Variants in CEP164 observed in about 807,000 individuals in gnomAD.
CEP164 encodes the protein centrosomal protein 164.
Under a neutral mutation model 182.7 loss-of-function variants are expected in CEP164, and 162 were observed. That is an observed-to-expected ratio of 0.89 (90% CI 0.78 to 1.01). The LOEUF is 1.01. Ranked by LOEUF, CEP164 falls within the 50% of genes least tolerant of loss-of-function variation. CEP164 has a pLI of 0.00. For missense variants in CEP164, 1,735 were observed against 1,790.4 expected, an observed-to-expected ratio of 0.97 and a Z score of 0.56; for synonymous variants, 661 against 690.0, an observed-to-expected ratio of 0.96 and a Z score of 0.66.
intron 8 of CEP164, among the ~76,000 whole-genome samples, chr11:117,363,787 T>TTTTTAA (rs2041296388): frequency 2.1e-5 from 3 of 146,072 alleles, no homozygotes; most frequent in African/African-American, 5.1e-5. Context: ...TTTTTTTTTT[T>TTTTTAA]AAGAGACAGA....
chr11:117,336,470 G>T (rs1484540454), intron 2 of CEP164: 4 of 1,485,456 alleles, frequency 2.7e-6, no homozygotes, highest in African/African-American at 1.4e-5. Context: ...CCACCTGGGA[G>T]GAAAGCTGGA....
At chr11:117,359,031 A>G (rs527804981) in intron 5 of CEP164, among the ~76,000 whole-genome samples, 205 of 150,992 alleles carry the variant, frequency 1.4e-3, no homozygotes, top group African/African-American at 4.5e-3. Context: ...TGCAACCTCT[A>G]TCTCCCAGGT....
chr11:117,355,959 A>G, intron 5 of CEP164: 1 of 1,104,968 alleles, frequency 9.1e-7, no homozygotes, highest in South Asian at 2.3e-5. Flanking sequence ...GAGCTCCCTT[A>G]TAAAGATCAG....
chr11:117,345,784 G>T lies in CEP164; in HGVS notation c.194+1507G>T, dbSNP rs553181332. ...TCACTGCAACCTCCACCTCCCGGAG[G>T]TGGAGCGATTCTCCTGCCTCAGCCT... On this transcript the variant is annotated intron_variant, in intron 4 of 32. Coordinates refer to ENST00000278935, the MANE Select transcript of CEP164 (RefSeq NM_014956.5). Among the ~76,000 whole-genome samples the T allele has an allele frequency of 2.0e-5, 3 of 151,956 alleles. No individual in the cohort carries two copies. In the East Asian group the frequency reaches 5.9e-4, roughly 30 times the overall value.
chr11:117,370,850 G>A (rs941047852), intron 8 of CEP164, among the ~76,000 whole-genome samples: 1 of 152,136 alleles, frequency 6.6e-6, no homozygotes, highest in Non-Finnish European at 1.5e-5. Flanking sequence ...GGCAGAGGTT[G>A]CAGTGAGCTG....
At chr11:117,383,074 A>C in intron 14 of CEP164, 132 bp downstream of exon 14, 1 of 1,035,822 alleles carries the variant, frequency 9.7e-7, no homozygotes, top group South Asian at 1.8e-5. Context: ...GAGATTAAGC[A>C]TATCCTTGGT....
At chr11:117,334,589 C>T (rs531685012) in intron 1 of CEP164, among the ~76,000 whole-genome samples, 192 of 152,118 alleles carry the variant, frequency 1.3e-3, no homozygotes, top group Admixed American at 9.1e-3. Flanking sequence ...AGTTTGAGAC[C>T]AGCCTGGCCA....
chr11:117,392,778 C>T, intron 19 of CEP164, 151 bp downstream of exon 19: 1 of 1,263,046 alleles, frequency 7.9e-7, no homozygotes, highest in South Asian at 1.4e-5. Flanking sequence ...GCCTTAGTTC[C>T]CTTGAAGCCA....
chr11:117,374,845 G>A (rs149218306), intron 10 of CEP164, among the ~76,000 whole-genome samples: 548 of 152,290 alleles, frequency 3.6e-3, no homozygotes, highest in African/African-American at 0.013. Flanking sequence ...TTGTCTGGGC[G>A]TCCCACCATT....
chr11:117,410,326 C>T, intron 30 of CEP164: 4 of 382,634 alleles, frequency 1.0e-5, no homozygotes, highest in Non-Finnish European at 1.9e-5. Flanking sequence ...ATGGGCCAAG[C>T]AGTTTATATA....
intron 27 of CEP164, 107 bp downstream of exon 27, chr11:117,397,420 T>A: frequency 9.5e-7 from 1 of 1,057,506 alleles, no homozygotes; most frequent in Non-Finnish European, 1.4e-6. Context: ...CGGGACTCCA[T>A]GAGAGTGGCC....
At chr11:117,398,664 T>G (rs1469582493) in intron 27 of CEP164, among the ~76,000 whole-genome samples, 1 of 152,234 alleles carries the variant, frequency 6.6e-6, no homozygotes, top group Non-Finnish European at 1.5e-5. Flanking sequence ...ACATGGAAGT[T>G]GCCAAGGTAT....
At chr11:117,368,164 C>G (rs2041848725) in intron 8 of CEP164, among the ~76,000 whole-genome samples, 3 of 152,174 alleles carry the variant, frequency 2.0e-5, no homozygotes, top group African/African-American at 7.2e-5. Context: ...AATACAATAG[C>G]TATTAAAGTA....
intron 4 of CEP164, among the ~76,000 whole-genome samples, chr11:117,349,683 A>G (rs1041112984): frequency 6.6e-6 from 1 of 152,064 alleles, no homozygotes; most frequent in African/African-American, 2.4e-5. Flanking sequence ...TGTGAAATCT[A>G]TTTTATATTT....
chr11:117,335,235 C>T (rs1019514651), intron 1 of CEP164, among the ~76,000 whole-genome samples: 7 of 152,162 alleles, frequency 4.6e-5, no homozygotes, highest in Admixed American at 6.5e-5. Flanking sequence ...CAGGATGTTA[C>T]GGGTTCTTCT....
Position 117,409,258 on chromosome 11 carries a change from G to A in CEP164, c.3748+230G>A, listed in dbSNP as rs2047049989. Reference sequence around the variant, plus strand: ...TCTGAATGCTGCAGAGCACTCTACGGTGTGACCACTGGCCTTGCTGGCCTC... The same window carrying A: ...TCTGAATGCTGCAGAGCACTCTACGATGTGACCACTGGCCTTGCTGGCCTC... On this transcript the variant is annotated intron_variant, in intron 29 of 32. Transcript: ENST00000278935. The surrounding 1 kb of genome is among the most constrained non-coding windows in gnomAD (Gnocchi z 4.4). 1.6e-6 allele frequency: 1 copy of A among 615,348 alleles called. No individual in the cohort carries two copies. The highest frequency in any genetic ancestry group is 3.0e-5 in the Admixed American group (1 of 33,632). 38.1% of individuals were successfully genotyped at this position (615,348 alleles called of 1,614,324 possible). A position where few individuals can be genotyped will look rare whatever the true frequency, so the allele number is the denominator to read the frequency against.
upstream of CEP164, among the ~76,000 whole-genome samples, chr11:117,325,506 CT>C (rs1433945069): frequency 6.6e-6 from 1 of 152,208 alleles, no homozygotes; most frequent in Non-Finnish European, 1.5e-5. Context: ...CTGCCTCGGC[CT>C]CCCGAGTAGC....
At position 117,395,195 on chromosome 11, in the gene CEP164, T is replaced by G. The variant is rs1293662284; in HGVS notation, c.2913+4T>G. On this transcript the variant is annotated splice_donor_region_variant and intron_variant, in intron 23 of 32. Coordinates refer to ENST00000278935, the MANE Select transcript of CEP164 (RefSeq NM_014956.5). ...GCAGGTTGCTCTGAAGAGTGAGGTT[T>G]GTCTCCCTGTTTTGTCCTCCCTCCT... 2 of 1,613,366 alleles carry G rather than the reference T, an allele frequency of 1.2e-6. No homozygotes were observed. Among genetic ancestry groups the G allele is most frequent in the East Asian group, 4.5e-5 (2 of 44,876 alleles).
rs138648896 is a variant in CEP164, at chr11:117,412,306, G to T, written c.*138G>T. 793 of 681,578 alleles carry T rather than the reference G, an allele frequency of 1.2e-3. 1 individual carries two copies. The highest frequency in any genetic ancestry group is 1.7e-3 in the Non-Finnish European group (678 of 408,552). The allele number at this position is 681,578 out of a possible 1,614,324, so 42.2% of individuals were successfully genotyped here. ...TGCAGGAGCCACCAGGGACCAGGGG[G>T]TTGAGTGGAACAGTAAAGCCACACA... On this transcript the variant is annotated 3_prime_UTR_variant, in exon 33 of 33. Transcript: ENST00000278935.
Sources: allele counts gnomAD v4.1 joint callset (sites outside exome capture counted in the v4.1 genomes callset), GRCh38; gene constraint gnomAD v4.1.1; non-coding constraint Gnocchi (gnomAD v3.1); transcripts MANE v1.5; gene names NCBI Gene and HGNC (gene_info 2026-07-23, HGNC 2026-07-21).